Variants in LGSN observed in about 807,000 individuals in gnomAD.
The protein encoded by LGSN is lengsin.
LGSN carries 21 observed loss-of-function variants against 19.5 expected under a neutral mutation model. That is an observed-to-expected ratio of 1.07 (90% CI 0.76 to 1.55). LGSN has a LOEUF of 1.55. Among genes scored for constraint, LGSN ranks in the 40% most tolerant of loss-of-function variants. The pLI, the probability that LGSN is intolerant of heterozygous loss-of-function variation, is 0.00. For missense variants in LGSN, 673 were observed against 608.5 expected, an observed-to-expected ratio of 1.11 and a Z score of -1.12; for synonymous variants, 257 against 215.6, an observed-to-expected ratio of 1.19 and a Z score of -1.68.
At chr6:63,515,221 G>T in the LGSN span, among the ~76,000 whole-genome samples, 1 of 32,896 alleles carries the variant, frequency 3.0e-5, no homozygotes, top group Non-Finnish European at 4.9e-5. Flanking sequence ...AAGTTTTTTT[G>T]TTTGTTTGTT....
chr6:63,559,404 T>C, the LGSN span, among the ~76,000 whole-genome samples: 1 of 152,010 alleles, frequency 6.6e-6, no homozygotes, highest in Non-Finnish European at 1.5e-5. Context: ...GAACACTAAA[T>C]AAAAGAAAAA....
upstream of LGSN, among the ~76,000 whole-genome samples, chr6:63,322,356 C>T (rs1319751546): frequency 1.3e-5 from 2 of 152,140 alleles, no homozygotes; most frequent in Admixed American, 6.5e-5. Flanking sequence ...GAATAACTGA[C>T]TTGTGAGAAT....
the LGSN span, among the ~76,000 whole-genome samples, chr6:63,495,461 T>C: frequency 3.2e-5 from 3 of 94,206 alleles, no homozygotes; most frequent in African/African-American, 6.7e-5. Flanking sequence ...TTTTTCTTTT[T>C]TTTTTTTTTT....
chr6:63,300,320 C>T (rs149879952), intron 1 of LGSN, among the ~76,000 whole-genome samples: 13 of 152,274 alleles, frequency 8.5e-5, no homozygotes, highest in Admixed American at 3.3e-4. Context: ...AGAATACCTA[C>T]GTTATTTTTT....
chr6:63,508,743 C>T, the LGSN span, among the ~76,000 whole-genome samples: 63 of 151,806 alleles, frequency 4.2e-4, no homozygotes, highest in Admixed American at 1.8e-3. Flanking sequence ...TTGGCGAAAT[C>T]CTGCCTCTAC....
chr6:63,537,770 T>C, the LGSN span, among the ~76,000 whole-genome samples: 1 of 152,294 alleles, frequency 6.6e-6, no homozygotes, highest in African/African-American at 2.4e-5. Flanking sequence ...GTTTAATTTG[T>C]GTTTACATGG....
At chr6:63,321,007 C>G (rs750498273), upstream of LGSN, among the ~76,000 whole-genome samples, 1 of 152,184 alleles carries the variant, frequency 6.6e-6, no homozygotes, top group Non-Finnish European at 1.5e-5. Flanking sequence ...ACAACCAGAT[C>G]TTGAATTTGG....
the LGSN span, among the ~76,000 whole-genome samples, chr6:63,482,602 G>C: frequency 6.6e-6 from 1 of 152,092 alleles, no homozygotes; most frequent in Non-Finnish European, 1.5e-5. Flanking sequence ...GGTGGTGCAC[G>C]CCTGTGGTCC....
At chr6:63,417,870 A>G in the LGSN span, among the ~76,000 whole-genome samples, 14 of 152,236 alleles carry the variant, frequency 9.2e-5, no homozygotes, top group Non-Finnish European at 1.8e-4. Flanking sequence ...ACTGAAGATT[A>G]ATGATATATG....
the LGSN span, among the ~76,000 whole-genome samples, chr6:63,398,097 T>G: frequency 6.6e-6 from 1 of 151,442 alleles, no homozygotes; most frequent in African/African-American, 2.4e-5. Flanking sequence ...TATAAAAGTA[T>G]AGTATGTACA....
In LGSN at chr6:63,277,688, G is replaced by C. The variant is rs1271263031; in HGVS notation, c.*2333C>G. The C allele has an allele frequency of 2.0e-5, 3 of 152,062 alleles. No homozygotes were observed. The highest frequency in any genetic ancestry group is 2.9e-5 in the Non-Finnish European group (2 of 68,068). The allele number at this position is 152,062 out of a possible 1,614,324, so 9.4% of individuals were successfully genotyped here. A position where few individuals can be genotyped will look rare whatever the true frequency, so the allele number is the denominator to read the frequency against. ...TGTGGAGCAAACCTCCCTTCCCAAGGACATAATCCTAGCCACATTATCTGT... is the reference window on the plus strand; with the variant it reads ...TGTGGAGCAAACCTCCCTTCCCAAGCACATAATCCTAGCCACATTATCTGT... On this transcript the variant is annotated 3_prime_UTR_variant, in exon 4 of 4. Coordinates refer to ENST00000370657, the MANE Select transcript of LGSN (RefSeq NM_016571.3).
chr6:63,519,725 A>G, the LGSN span, among the ~76,000 whole-genome samples: 9 of 152,254 alleles, frequency 5.9e-5, no homozygotes, highest in Non-Finnish European at 1.2e-4. Context: ...TTCATGTGTG[A>G]CAGTTCTAAT....
chr6:63,334,807 A>C, the LGSN span, among the ~76,000 whole-genome samples: 10 of 152,162 alleles, frequency 6.6e-5, no homozygotes, highest in East Asian at 1.9e-4. Flanking sequence ...ATAAATCTGC[A>C]TACTTAACGG....
the LGSN span, among the ~76,000 whole-genome samples, chr6:63,494,285 T>C: frequency 6.6e-6 from 1 of 152,116 alleles, no homozygotes; most frequent in Non-Finnish European, 1.5e-5. Context: ...TGGATCCCCA[T>C]ATTTACTCCA....
At chr6:63,568,662 A>C in the LGSN span, among the ~76,000 whole-genome samples, 1 of 152,180 alleles carries the variant, frequency 6.6e-6, no homozygotes, top group Non-Finnish European at 1.5e-5. Flanking sequence ...TTTTGTTAAA[A>C]AAAAAAAACA....
At chr6:63,562,652 T>C in the LGSN span, among the ~76,000 whole-genome samples, 1 of 152,356 alleles carries the variant, frequency 6.6e-6, no homozygotes, top group South Asian at 2.1e-4. Context: ...AGCACATGGC[T>C]TGGAAAACAA....
the LGSN span, among the ~76,000 whole-genome samples, chr6:63,450,730 C>A: frequency 3.3e-5 from 5 of 150,672 alleles, no homozygotes; most frequent in African/African-American, 9.8e-5. Flanking sequence ...TGGAGTGTAG[C>A]AGGGCAGTCT....
chr6:63,319,007 C>A (rs1276370225), intron 1 of LGSN, among the ~76,000 whole-genome samples: 2 of 152,152 alleles, frequency 1.3e-5, no homozygotes, highest in Non-Finnish European at 2.9e-5. Flanking sequence ...ACAGGATAAG[C>A]CACAGCTCCT....
the LGSN span, among the ~76,000 whole-genome samples, chr6:63,409,759 G>A: frequency 6.6e-6 from 1 of 152,162 alleles, no homozygotes; most frequent in Non-Finnish European, 1.5e-5. Context: ...ACCTCAGCCG[G>A]GTGTGGCAGC....
Sources: allele counts gnomAD v4.1 joint callset (sites outside exome capture counted in the v4.1 genomes callset), GRCh38; gene constraint gnomAD v4.1.1; transcripts MANE v1.5; gene names NCBI Gene and HGNC (gene_info 2026-07-23, HGNC 2026-07-21).